The following KMT2C variants were observed in gnomAD, a reference collection of about 807,000 sequenced individuals.
KMT2C encodes lysine methyltransferase 2C, also known as histone-lysine N-methyltransferase 2C.
A neutral mutation model predicts 507.9 loss-of-function variants in KMT2C; 88 were observed. The observed-to-expected ratio is 0.17, with a 90% CI of 0.15 to 0.21. KMT2C has a LOEUF of 0.21. Ranked by LOEUF, KMT2C falls within the 10% of genes least tolerant of loss-of-function variation. KMT2C has a pLI of 1.00. For synonymous variants in KMT2C, 2,049 were observed against 2,080.8 expected (o/e 0.98, Z 0.42); for missense variants, 4,954 against 5,957.8 (o/e 0.83, Z 5.55).
At chr7:152,274,882 G>GA (rs1215365289) in intron 6 of KMT2C, among the ~76,000 whole-genome samples, 1 of 152,076 alleles carries the variant, frequency 6.6e-6, no homozygotes, top group Non-Finnish European at 1.5e-5. Flanking sequence ...AATGCTGCTT[G>GA]AAACAGGCCC....
In KMT2C at chr7:152,177,638, T is replaced by C. The variant is rs2129115148; in HGVS notation, c.7815A>G (p.Thr2605=). 6.2e-7 allele frequency: 1 copy of C among 1,614,140 alleles called. No individual in the cohort carries two copies. The highest frequency in any genetic ancestry group is 8.5e-7 in the Non-Finnish European group (1 of 1,180,032). ...CCTGGGGAGGTCGTCGCATGGGGTC[T>C]GTGTGTCTAGGGCCCGGAAAGTCTG... ...PRPDFPGPRH[T]DPMRRPPQGL... Residue 2605 remains threonine, a synonymous_variant, in exon 38 of 59, where the codon ACA becomes ACG. Coordinates refer to ENST00000262189, the MANE Select transcript of KMT2C (RefSeq NM_170606.3).
intron 1 of KMT2C, among the ~76,000 whole-genome samples, chr7:152,408,533 T>G (rs1050124584): frequency 6.6e-6 from 1 of 152,218 alleles, no homozygotes; most frequent in African/African-American, 2.4e-5. Context: ...CAAGCCAGCA[T>G]TAACCTGAGC....
Position 152,315,338 on chromosome 7 carries a change from A to G in KMT2C, c.390T>C (p.Ser130=). 1 of 1,611,232 alleles carries G rather than the reference A, an allele frequency of 6.2e-7. No homozygotes were observed. ...LVSVGVEAKI[S]EQLCAFCYCG... The stretch of plus-strand genomic sequence containing the variant: ...AGTAACAAAAAGCGCAGAGCTGTTC[A>G]CTAGTAAAAATGAAATGTAAGTCAG... Residue 130 remains serine, a splice_region_variant and synonymous_variant, in exon 4 of 59, where the codon AGT becomes AGC. Transcript: ENST00000262189.
At chr7:152,360,215 C>T (rs992004194) in intron 1 of KMT2C, among the ~76,000 whole-genome samples, 3 of 152,054 alleles carry the variant, frequency 2.0e-5, no homozygotes, top group African/African-American at 7.2e-5. Context: ...CAGTAACTCA[C>T]GCCTGTAATC....
rs1025921195 is a variant in KMT2C, at chr7:152,275,639, G to A, written c.850-1772C>T. 4.3e-4 allele frequency among the ~76,000 whole-genome samples: 65 copies of A among 152,134 alleles called. 1 individual carries two copies. The highest frequency in any genetic ancestry group is 1.5e-3 in the African/African-American group (63 of 41,488). Reference sequence around the variant, plus strand: ...TGTAATAACCAGCTTTTACAAAACAGGTAATTTTTTATAACTCCCAAGGTA... The same window carrying A: ...TGTAATAACCAGCTTTTACAAAACAAGTAATTTTTTATAACTCCCAAGGTA... On this transcript the variant is annotated intron_variant, in intron 6 of 58. Transcript: ENST00000262189.
chr7:152,182,079 T>C lies in KMT2C; in HGVS notation c.5781A>G (p.Thr1927=), dbSNP rs146256338. The part of the protein sequence containing the change: ...RNSAAPVENC[T]PLSSVSRPLQ... ...GGGGCCTAGATACCGATGATAAAGG[T>C]GTACAGTTTTCCACTGGTGCAGCAG... The change falls in exon 36 of 59, where the codon ACA becomes ACG. Residue 1927 remains threonine (T), a synonymous_variant. Coordinates refer to ENST00000262189, the MANE Select transcript of KMT2C (RefSeq NM_170606.3). 6.6e-5 allele frequency: 107 copies of C among 1,614,168 alleles called. No individual in the cohort carries two copies. The African/African-American group carries it at 1.4e-3, about 21-fold the overall frequency.
At chr7:152,359,910 G>A (rs1446413789) in intron 1 of KMT2C, among the ~76,000 whole-genome samples, 1 of 151,502 alleles carries the variant, frequency 6.6e-6, no homozygotes, top group African/African-American at 2.4e-5. Flanking sequence ...TTAGCCAGGT[G>A]TTGTGGCGTG....
At chr7:152,305,573 G>A (rs542488211) in intron 6 of KMT2C, among the ~76,000 whole-genome samples, 10 of 150,260 alleles carry the variant, frequency 6.7e-5, no homozygotes, top group Admixed American at 2.0e-4. Context: ...TTTTTTCTCA[G>A]AATAAAATGG....
At chr7:152,424,570 A>G (rs2097799139) in intron 1 of KMT2C, among the ~76,000 whole-genome samples, 1 of 152,092 alleles carries the variant, frequency 6.6e-6, no homozygotes, top group African/African-American at 2.4e-5. Flanking sequence ...CTACAGAGAC[A>G]TGCCACCACA....
At chr7:152,307,974 A>G (rs2096636000) in intron 6 of KMT2C, among the ~76,000 whole-genome samples, 4 of 152,250 alleles carry the variant, frequency 2.6e-5, no homozygotes, top group Admixed American at 2.6e-4. Context: ...AATAAAAATT[A>G]CTTTTATGAA....
At position 152,162,939 on chromosome 7, in the gene KMT2C, C is replaced by G; in HGVS notation, c.10638G>C (p.Gln3546His). Reference sequence around the variant, plus strand: ...GTGTAAAAGAAGGCCTCACTGGGGACTGCTGGAAGCTGGTCCCAGAAAGAT... The same window carrying G: ...GTGTAAAAGAAGGCCTCACTGGGGAGTGCTGGAAGCTGGTCCCAGAAAGAT... The part of the protein sequence containing the change: ...HGNLSGTSFQ[Q>H]SPVRPSFTPA... Residue 3546 changes from glutamine to histidine, a missense_variant, in exon 43 of 59, where the codon CAG becomes CAC. Around this residue, in one of 29 missense-constraint regions of KMT2C, gnomAD observed 801 missense variants for 751.2 expected, o/e 1.07. Transcript: ENST00000262189. The G allele has an allele frequency of 6.2e-7, 1 of 1,614,138 alleles. No homozygotes were observed. Among genetic ancestry groups the G allele is most frequent in the Non-Finnish European group, 8.5e-7 (1 of 1,180,030 alleles).
chr7:152,194,273 TA>T lies in KMT2C; in HGVS notation c.4508-13del, dbSNP rs749505031. 0.094 allele frequency: 87,066 copies of T among 927,778 alleles called. No homozygotes were observed. Among genetic ancestry groups the T allele is most frequent in the South Asian group, 0.13 (6,550 of 48,788 alleles). 57.5% of individuals were successfully genotyped at this position (927,778 alleles called of 1,614,324 possible). ...TCCAAGAATTGCTCCTAGAATAAAT[TA>T]AAAAAAAAAAAGAAACATTAACAGC... On this transcript the variant is annotated splice_polypyrimidine_tract_variant and intron_variant, in intron 29 of 58. Transcript: ENST00000262189.
At chr7:152,428,070 G>C (rs2097837241) in intron 1 of KMT2C, among the ~76,000 whole-genome samples, 1 of 152,076 alleles carries the variant, frequency 6.6e-6, no homozygotes, top group Admixed American at 6.6e-5. Context: ...AAGTATTTGA[G>C]TGCCTACATT....
At chr7:152,361,234 CA>C (rs1042404191) in intron 1 of KMT2C, among the ~76,000 whole-genome samples, 9 of 152,040 alleles carry the variant, frequency 5.9e-5, no homozygotes, top group Admixed American at 2.6e-4. Flanking sequence ...TGTTCATGGA[CA>C]AAAAGAAAGA....
At chr7:152,325,810 G>C (rs1259568526) in intron 3 of KMT2C, among the ~76,000 whole-genome samples, 1 of 151,940 alleles carries the variant, frequency 6.6e-6, no homozygotes, top group Non-Finnish European at 1.5e-5. Flanking sequence ...TTACCCCAAA[G>C]CAATGAAGAA....
intron 3 of KMT2C, 67 bp from the exon 4 acceptor site, chr7:152,315,405 A>G: frequency 9.4e-7 from 1 of 1,068,504 alleles, no homozygotes; most frequent in Admixed American, 2.0e-5. Flanking sequence ...TTAAGCGATA[A>G]CTATAGATAC....
Position 152,282,307 on chromosome 7 carries a change from A to AG in KMT2C, c.850-8441_850-8440insC, listed in dbSNP as rs1055231980. On this transcript the variant is annotated intron_variant, in intron 6 of 58. Coordinates refer to ENST00000262189, the MANE Select transcript of KMT2C (RefSeq NM_170606.3). ...GCTGGACCTTGTCTCAAAAAAAAAA[A>AG]AAAGAAAGAAAGAAAAGAAAGTAGC... Among the ~76,000 whole-genome samples, 5 of 151,798 alleles carry AG rather than the reference A, an allele frequency of 3.3e-5. No homozygotes were observed. The South Asian group carries it at 1.0e-3, about 31-fold the overall frequency.
intron 1 of KMT2C, among the ~76,000 whole-genome samples, chr7:152,433,599 C>G (rs1312994492): frequency 1.3e-5 from 2 of 152,202 alleles, no homozygotes; most frequent in African/African-American, 4.8e-5. Flanking sequence ...TACTAGTTTT[C>G]AAATCTAAAA....
chr7:152,217,018 T>A (rs1270705098), intron 23 of KMT2C, among the ~76,000 whole-genome samples: 2 of 152,178 alleles, frequency 1.3e-5, no homozygotes, highest in African/African-American at 4.8e-5. Context: ...AACACTAGCA[T>A]CAAAGAAGTT....
Sources: gnomAD v4.1 joint callset for allele counts (sites outside exome capture counted in the v4.1 genomes callset) on GRCh38, gnomAD v4.1.1 for gene constraint, gnomAD v4.1.1 regional missense constraint, MANE v1.5 for transcripts, NCBI Gene and HGNC (gene_info 2026-07-23, HGNC 2026-07-21) for gene names.